The following KANK1 variants were observed in gnomAD, a reference collection of about 807,000 sequenced individuals.
KANK1 encodes the protein KN motif and ankyrin repeat domains 1.
A neutral mutation model predicts 106.2 loss-of-function variants in KANK1; 109 were observed. That is an observed-to-expected ratio of 1.03 (90% confidence interval 0.88 to 1.20). The LOEUF (loss-of-function observed/expected upper bound fraction) is 1.20, where lower values mean the gene tolerates loss of function less well. Ranked by LOEUF, KANK1 falls within the 50% of genes most tolerant of loss-of-function variation. KANK1 has a pLI of 0.00. For synonymous variants in KANK1, 873 were observed against 652.2 expected, an observed-to-expected ratio of 1.34 and a Z score of -5.16; for missense variants, 2,399 against 1,710.7, an observed-to-expected ratio of 1.40 and a Z score of -7.10.
At chr9:497,301 C>G (rs2058471576) in intron 3 of KANK1, among the ~76,000 whole-genome samples, 1 of 152,182 alleles carries the variant, frequency 6.6e-6, no homozygotes, top group Non-Finnish European at 1.5e-5. Context: ...TAGTAAATCT[C>G]AAGCCTCCAA....
At position 742,336 on chromosome 9, in the gene KANK1, GCACGGA is replaced by G; in HGVS notation, c.3833_3838del (p.Gly1278_His1279del). 1 of 1,614,140 alleles carries G rather than the reference GCACGGA, an allele frequency of 6.2e-7. No individual in the cohort carries two copies. Among genetic ancestry groups the G allele is most frequent in the Non-Finnish European group, 8.5e-7 (1 of 1,180,008 alleles). On this transcript the variant is annotated inframe_deletion, in exon 10 of 12. Transcript: ENST00000382297. The stretch of plus-strand genomic sequence containing the variant: ...CCACGGCCCTCATGTGTGCCAGCGA[GCACGGA>G]CACGTGGAGATTGTCAAGCTGCTGC...
At chr9:485,181 G>A (rs980293895) in intron 3 of KANK1, among the ~76,000 whole-genome samples, 5 of 152,124 alleles carry the variant, frequency 3.3e-5, no homozygotes, top group Non-Finnish European at 2.9e-5. Context: ...AGTGGGTGTG[G>A]TATTCAGGCC....
At chr9:575,758 A>G (rs1820386470) in intron 1 of KANK1, among the ~76,000 whole-genome samples, 1 of 152,136 alleles carries the variant, frequency 6.6e-6, no homozygotes, top group African/African-American at 2.4e-5. Context: ...ACAGTGGCTC[A>G]TGCCTGTAAT....
chr9:736,567 C>T (rs1041688379), intron 7 of KANK1, among the ~76,000 whole-genome samples: 3 of 151,964 alleles, frequency 2.0e-5, no homozygotes, highest in African/African-American at 7.3e-5. Flanking sequence ...GGTATGATGG[C>T]ATGTACCCAT....
chr9:560,268 A>G (rs534142716), intron 1 of KANK1, among the ~76,000 whole-genome samples: 4 of 152,236 alleles, frequency 2.6e-5, no homozygotes, highest in African/African-American at 4.8e-5. Flanking sequence ...TACATGTTTC[A>G]TTAAGTTCTT....
In KANK1 at chr9:682,617, A is replaced by G. The variant is rs558040238; in HGVS notation, c.37+5608A>G. On this transcript the variant is annotated intron_variant, in intron 2 of 11. Transcript: ENST00000382297. ...TTTGGACTGCTTCCACATTTTCCCT[A>G]TGGTAGATGATGTTGCAGAGAACAT... Among the ~76,000 whole-genome samples the G allele has an allele frequency of 9.3e-4, 141 of 152,190 alleles. 2 individuals are homozygous for G. Among genetic ancestry groups the G allele is most frequent in the African/African-American group, 3.1e-3 (128 of 41,530 alleles).
At chr9:598,620 CTTTTTTTTTTTTTTTTTTT>C (rs3028166) in intron 1 of KANK1, among the ~76,000 whole-genome samples, 1 of 46,660 alleles carries the variant, frequency 2.1e-5, no homozygotes, top group Non-Finnish European at 4.3e-5. Flanking sequence ...TGTTGGTTTT[CTTTTTTTTTTTTTTTTTTT>C]TTTTTTTTTT....
At chr9:682,752 G>T (rs1817822118) in intron 2 of KANK1, among the ~76,000 whole-genome samples, 1 of 152,104 alleles carries the variant, frequency 6.6e-6, no homozygotes, top group African/African-American at 2.4e-5. Context: ...TAACTGTTGT[G>T]GGGCTTGAAT....
intron 3 of KANK1, among the ~76,000 whole-genome samples, chr9:729,582 G>C (rs568095534): frequency 6.6e-6 from 1 of 152,312 alleles, no homozygotes; most frequent in South Asian, 2.1e-4. Flanking sequence ...ATGAAGTTGC[G>C]GGGGTCAGCC....
chr9:497,354 C>T (rs763843218), intron 3 of KANK1, among the ~76,000 whole-genome samples: 1 of 152,124 alleles, frequency 6.6e-6, no homozygotes, highest in Non-Finnish European at 1.5e-5. Flanking sequence ...ATCCAGCTGT[C>T]CCACTGTGCA....
At chr9:732,769 G>A (rs1832670703) in intron 6 of KANK1, 152 bp downstream of exon 6, 3 of 800,992 alleles carry the variant, frequency 3.7e-6, no homozygotes, top group South Asian at 3.8e-5. Flanking sequence ...ATATACAAGT[G>A]CAGAGTATTA....
intron 1 of KANK1, among the ~76,000 whole-genome samples, chr9:573,566 G>A (rs943927618): frequency 1.2e-4 from 19 of 152,124 alleles, no homozygotes; most frequent in African/African-American, 3.9e-4. Context: ...CACCGCGCCC[G>A]GTCAAGGATT....
chr9:599,050 C>T (rs2135790109), intron 1 of KANK1, among the ~76,000 whole-genome samples: 1 of 134,410 alleles, frequency 7.4e-6, no homozygotes, highest in Admixed American at 7.4e-5. Context: ...CGGAGTTTCG[C>T]TTTTGTCACC....
chr9:706,340 G>GA (rs1329064793), intron 2 of KANK1, among the ~76,000 whole-genome samples: 1 of 152,134 alleles, frequency 6.6e-6, no homozygotes, highest in Non-Finnish European at 1.5e-5. Context: ...TCTACAAGGT[G>GA]AACTAAAGAA....
chr9:620,470 TC>T lies in KANK1; in HGVS notation c.-83-56419del, dbSNP rs562655209. ...CTGGAGAACAATGAATGGCGTGATT[TC>T]GGCTCACGGCAACCTACACCTCCCA... On this transcript the variant is annotated intron_variant, in intron 1 of 11. Transcript: ENST00000382297. Among the ~76,000 whole-genome samples the T allele has an allele frequency of 7.9e-3, 1,208 of 152,160 alleles. 19 individuals carry two copies. Among genetic ancestry groups the T allele is most frequent in the African/African-American group, 0.028 (1,141 of 41,468 alleles).
intron 1 of KANK1, among the ~76,000 whole-genome samples, chr9:634,191 A>G (rs983466470): frequency 2.6e-5 from 4 of 152,204 alleles, no homozygotes; most frequent in Non-Finnish European, 5.9e-5. Context: ...AATCTCCCCA[A>G]AGGCTCAGAG....
chr9:546,233 G>T (rs9408630), intron 1 of KANK1, among the ~76,000 whole-genome samples: 77,918 of 151,854 alleles, frequency 0.51, 24,312 homozygotes, highest in African/African-American at 0.86. Context: ...CTTCTCAATC[G>T]AAGGCAATGT....
chr9:565,830 C>T (rs1487786097), intron 1 of KANK1, among the ~76,000 whole-genome samples: 5 of 152,194 alleles, frequency 3.3e-5, no homozygotes, highest in African/African-American at 1.2e-4. Flanking sequence ...ACTTCCAGAA[C>T]AATGGCTGGT....
intron 1 of KANK1, among the ~76,000 whole-genome samples, chr9:584,858 A>C (rs1365947535): frequency 1.3e-5 from 2 of 152,186 alleles, no homozygotes; most frequent in South Asian, 2.1e-4. Context: ...GACCAGCACA[A>C]ACCTTTTGGC....
Sources: allele counts gnomAD v4.1 joint callset (sites outside exome capture counted in the v4.1 genomes callset), GRCh38; gene constraint gnomAD v4.1.1; transcripts MANE v1.5; gene names NCBI Gene and HGNC (gene_info 2026-07-23, HGNC 2026-07-21).